The following RAD51B variants were observed in gnomAD, a reference collection of about 807,000 sequenced individuals.
RAD51B encodes the protein RAD51 paralog B, also known as DNA repair protein RAD51 homolog 2.
In RAD51B, 38 loss-of-function variants were observed where a neutral mutation model predicts 42.2. That is an observed-to-expected ratio of 0.90 (90% CI 0.70 to 1.18). The LOEUF (loss-of-function observed/expected upper bound fraction) is 1.18, where lower values mean the gene tolerates loss of function less well. Ranked by LOEUF, RAD51B falls within the 50% of genes most tolerant of loss-of-function variation. RAD51B has a pLI of 0.00. For synonymous variants in RAD51B, 154 were observed against 145.2 expected (o/e 1.06, Z -0.43); for missense variants, 373 against 400.7 (o/e 0.93, Z 0.59).
intron 7 of RAD51B, among the ~76,000 whole-genome samples, chr14:68,246,256 TG>T (rs2080496798): frequency 6.6e-6 from 1 of 151,406 alleles, no homozygotes; most frequent in Non-Finnish European, 1.5e-5. Flanking sequence ...ATGAGAACCA[TG>T]ATTAGATCTG....
At chr14:68,666,279 C>A (rs1417343780) in intron 11 of RAD51B, among the ~76,000 whole-genome samples, 2 of 152,208 alleles carry the variant, frequency 1.3e-5, no homozygotes, top group African/African-American at 4.8e-5. Context: ...AATTCTGGAT[C>A]TTTTTGTTGC....
intron 7 of RAD51B, among the ~76,000 whole-genome samples, chr14:68,161,966 A>C (rs2078649110): frequency 6.6e-6 from 1 of 152,234 alleles, no homozygotes. Context: ...GCTACTGTAT[A>C]GAGGCTAGGA....
At chr14:67,913,865 T>C (rs2044066498) in intron 7 of RAD51B, among the ~76,000 whole-genome samples, 1 of 152,186 alleles carries the variant, frequency 6.6e-6, no homozygotes, top group South Asian at 2.1e-4. Flanking sequence ...CCTGTTGTGC[T>C]GTAAAATTCA....
intron 10 of RAD51B, among the ~76,000 whole-genome samples, chr14:68,601,012 G>A (rs1891196330): frequency 6.6e-6 from 1 of 152,178 alleles, no homozygotes; most frequent in Non-Finnish European, 1.5e-5. Flanking sequence ...TCTTGAGTTT[G>A]GAAATTTTGT....
chr14:68,106,419 T>C (rs2077378030), intron 7 of RAD51B, among the ~76,000 whole-genome samples: 1 of 151,984 alleles, frequency 6.6e-6, no homozygotes, highest in Non-Finnish European at 1.5e-5. Context: ...GGTAGGTTTT[T>C]TTATTTCCAG....
chr14:68,193,854 CTT>C (rs889510931), intron 7 of RAD51B, among the ~76,000 whole-genome samples: 1 of 151,920 alleles, frequency 6.6e-6, no homozygotes, highest in African/African-American at 2.4e-5. Context: ...CCTTTCAACG[CTT>C]TTTTTTCTGT....
Position 67,887,278 on chromosome 14 carries a change from G to A in RAD51B, c.756+74G>A, listed in dbSNP as rs1377496314. On this transcript the variant is annotated intron_variant, in intron 7 of 10. Transcript: ENST00000471583. ...TTTATATTACATTCACTGACTTATG[G>A]TATCAAATAATAAAATTAGAGGAAA... 3.2e-6 allele frequency: 4 copies of A among 1,256,724 alleles called. No individual in the cohort carries two copies. In the South Asian group the frequency reaches 5.7e-5, roughly 18 times the overall value. The allele number at this position is 1,256,724 out of a possible 1,614,324, so 77.8% of individuals were successfully genotyped here.
chr14:68,006,658 T>A (rs2075597165), intron 7 of RAD51B, among the ~76,000 whole-genome samples: 1 of 152,120 alleles, frequency 6.6e-6, no homozygotes, highest in Non-Finnish European at 1.5e-5. Flanking sequence ...AAAAATACTT[T>A]CATAGTATTT....
At chr14:67,936,369 T>C (rs1338218191) in intron 7 of RAD51B, among the ~76,000 whole-genome samples, 2 of 152,252 alleles carry the variant, frequency 1.3e-5, no homozygotes, top group Non-Finnish European at 2.9e-5. Flanking sequence ...TGTGACTGGC[T>C]TCTTTCATAT....
chr14:68,165,222 C>T (rs186367996), intron 7 of RAD51B, among the ~76,000 whole-genome samples: 81 of 152,270 alleles, frequency 5.3e-4, no homozygotes, highest in Non-Finnish European at 4.3e-4. Flanking sequence ...AGATGTTCTT[C>T]TGTATGGAGA....
intron 7 of RAD51B, among the ~76,000 whole-genome samples, chr14:68,125,798 G>C (rs983417675): frequency 1.3e-5 from 2 of 151,226 alleles, no homozygotes; most frequent in African/African-American, 4.9e-5. Context: ...TGATTAGTCA[G>C]TTGATCTTAA....
chr14:68,200,294 G>A lies in RAD51B; in HGVS notation c.757-91590G>A, dbSNP rs142305396. On this transcript the variant is annotated intron_variant, in intron 7 of 10. Transcript: ENST00000471583. ...GCAGTGCAAATGGTGGCTTTGATTT[G>A]GGGATTATTACAGCAATATTAACCA... 3.5e-3 allele frequency among the ~76,000 whole-genome samples: 526 copies of A among 152,292 alleles called. 2 individuals are homozygous for A. The highest frequency in any genetic ancestry group is 0.012 in the African/African-American group (501 of 41,546).
intron 8 of RAD51B, among the ~76,000 whole-genome samples, chr14:68,341,008 G>C (rs1416194792): frequency 6.6e-6 from 1 of 152,222 alleles, no homozygotes; most frequent in Non-Finnish European, 1.5e-5. Context: ...CAGGGAAGGT[G>C]AGAAGCAAGA....
intron 7 of RAD51B, among the ~76,000 whole-genome samples, chr14:67,925,146 T>G (rs961423691): frequency 6.6e-6 from 1 of 152,194 alleles, no homozygotes; most frequent in African/African-American, 2.4e-5. Flanking sequence ...TGGGTTCCCA[T>G]GGTCTTGGGC....
intron 8 of RAD51B, among the ~76,000 whole-genome samples, chr14:68,392,331 G>C (rs980398152): frequency 6.6e-6 from 1 of 152,166 alleles, no homozygotes; most frequent in African/African-American, 2.4e-5. Context: ...GCTTGTCATA[G>C]GTTCCTTGGA....
At chr14:68,042,267 G>A (rs927805061) in intron 7 of RAD51B, among the ~76,000 whole-genome samples, 6 of 152,206 alleles carry the variant, frequency 3.9e-5, no homozygotes, top group African/African-American at 1.4e-4. Flanking sequence ...ATCTATTCAT[G>A]TAATCAGAGC....
intron 8 of RAD51B, among the ~76,000 whole-genome samples, chr14:68,326,034 TTTTC>T (rs746863116): frequency 0.48 from 41,662 of 87,344 alleles, 9,526 homozygotes; most frequent in Non-Finnish European, 0.56. Context: ...ATTCTTTTTC[TTTTC>T]TTTTTTTTTT....
intron 7 of RAD51B, among the ~76,000 whole-genome samples, chr14:68,271,977 TTG>T (rs2081113305): frequency 1.3e-5 from 2 of 152,234 alleles, no homozygotes; most frequent in Admixed American, 6.5e-5. Context: ...GAAGTTATCT[TTG>T]TGAGATACTT....
chr14:67,932,036 A>T (rs930070877), intron 7 of RAD51B, among the ~76,000 whole-genome samples: 9 of 152,152 alleles, frequency 5.9e-5, no homozygotes, highest in African/African-American at 2.2e-4. Context: ...AAGTTATATT[A>T]TGTGATGCTG....
Sources: gnomAD v4.1 joint callset for allele counts (sites outside exome capture counted in the v4.1 genomes callset) on GRCh38, gnomAD v4.1.1 for gene constraint, MANE v1.5 for transcripts, NCBI Gene and HGNC (gene_info 2026-07-23, HGNC 2026-07-21) for gene names.